Variants in MCC observed in about 807,000 individuals in gnomAD.
MCC encodes MCC regulator of Wnt signaling pathway.
MCC carries 90 observed loss-of-function variants against 116.2 expected under a neutral mutation model. The ratio of observed to expected loss-of-function variants is 0.77; its 90% CI spans 0.65 to 0.92. The LOEUF (loss-of-function observed/expected upper bound fraction) is 0.92. Ranked by LOEUF, MCC falls within the 40% of genes least tolerant of loss-of-function variation. The pLI is 0.00. For missense variants in MCC, 1,516 were observed against 1,312.2 expected, an observed-to-expected ratio of 1.16 and a Z score of -2.40; for synonymous variants, 578 against 510.5, an observed-to-expected ratio of 1.13 and a Z score of -1.78.
At chr5:113,449,408 T>C (rs1379297860) in intron 1 of MCC, among the ~76,000 whole-genome samples, 4 of 152,188 alleles carry the variant, frequency 2.6e-5, no homozygotes, top group Admixed American at 6.5e-5. Flanking sequence ...AATATGGTGA[T>C]GCAAGGAATT....
chr5:113,426,426 G>C (rs1042569797), intron 1 of MCC, among the ~76,000 whole-genome samples: 1 of 152,196 alleles, frequency 6.6e-6, no homozygotes, highest in African/African-American at 2.4e-5. Context: ...GGACTAGTTA[G>C]TTATGCTGTA....
chr5:113,140,650 T>C (rs1759122194), intron 5 of MCC, among the ~76,000 whole-genome samples: 1 of 152,178 alleles, frequency 6.6e-6, no homozygotes, highest in South Asian at 2.1e-4. Context: ...CAATTCAGGA[T>C]AGCTTAAGTG....
At chr5:113,232,078 G>T (rs182004237) in intron 3 of MCC, among the ~76,000 whole-genome samples, 1 of 152,218 alleles carries the variant, frequency 6.6e-6, no homozygotes, top group Admixed American at 6.5e-5. Flanking sequence ...AAGATACTAT[G>T]TTATTTGTTA....
At chr5:113,383,958 GAAAC>G (rs1473200726) in intron 2 of MCC, among the ~76,000 whole-genome samples, 1 of 152,080 alleles carries the variant, frequency 6.6e-6, no homozygotes, top group Non-Finnish European at 1.5e-5. Context: ...ACCTAGCAGA[GAAAC>G]AATGAGATCA....
intron 18 of MCC, among the ~76,000 whole-genome samples, chr5:113,028,418 T>A (rs1404562847): frequency 6.6e-6 from 1 of 152,062 alleles, no homozygotes; most frequent in African/African-American, 2.4e-5. Context: ...AAACTTTAAA[T>A]AATTTATCTT....
chr5:113,030,010 A>T (rs1470398887), intron 17 of MCC, among the ~76,000 whole-genome samples: 1 of 152,236 alleles, frequency 6.6e-6, no homozygotes, highest in African/African-American at 2.4e-5. Context: ...CTGTTAAAAC[A>T]GCTTTAGAAC....
intron 3 of MCC, among the ~76,000 whole-genome samples, chr5:113,262,029 C>T (rs796236458): frequency 1.2e-4 from 18 of 152,202 alleles, no homozygotes; most frequent in African/African-American, 4.3e-4. Context: ...TGATTAACCA[C>T]TCACCAATTC....
chr5:113,112,951 C>T (rs983860600), intron 6 of MCC, among the ~76,000 whole-genome samples: 3 of 152,154 alleles, frequency 2.0e-5, no homozygotes, highest in African/African-American at 7.2e-5. Context: ...TTAAGATTCC[C>T]AAGGTAGAAA....
intron 3 of MCC, among the ~76,000 whole-genome samples, chr5:113,215,570 G>A (rs111988628): frequency 2.6e-5 from 4 of 152,158 alleles, no homozygotes; most frequent in African/African-American, 7.2e-5. Flanking sequence ...ATGGGCTGGC[G>A]GGGGAGGGCG....
At chr5:113,037,275 G>A (rs886731664) in intron 17 of MCC, among the ~76,000 whole-genome samples, 3 of 151,074 alleles carry the variant, frequency 2.0e-5, no homozygotes, top group Non-Finnish European at 4.4e-5. Flanking sequence ...TACAAGTCTG[G>A]AAGTTTTCTA....
chr5:113,028,498 C>T (rs1393353833), intron 18 of MCC, among the ~76,000 whole-genome samples: 1 of 152,148 alleles, frequency 6.6e-6, no homozygotes, highest in Non-Finnish European at 1.5e-5. Flanking sequence ...TGAGGTCCTC[C>T]GTTTTTTATA....
At chr5:113,326,851 A>C (rs1057282932) in intron 3 of MCC, among the ~76,000 whole-genome samples, 2 of 152,230 alleles carry the variant, frequency 1.3e-5, no homozygotes, top group Admixed American at 1.3e-4. Context: ...CCCTTATTTC[A>C]GATTCTGTCA....
intron 1 of MCC, among the ~76,000 whole-genome samples, chr5:113,445,276 C>T (rs1771177430): frequency 6.6e-6 from 1 of 152,044 alleles, no homozygotes; most frequent in Non-Finnish European, 1.5e-5. Context: ...TAAAAGGAAT[C>T]CAGATAGGAA....
chr5:113,400,212 T>A (rs1332539542), intron 1 of MCC, among the ~76,000 whole-genome samples: 4 of 131,886 alleles, frequency 3.0e-5, no homozygotes, highest in Non-Finnish European at 4.6e-5. Flanking sequence ...AACCTTCCCC[T>A]CCCGGGTTCA....
At chr5:113,289,597 A>G (rs548488189) in intron 3 of MCC, among the ~76,000 whole-genome samples, 9 of 152,232 alleles carry the variant, frequency 5.9e-5, no homozygotes, top group African/African-American at 9.6e-5. Context: ...TCTTTCTCGG[A>G]ACCCAGCTGC....
Position 113,334,364 on chromosome 5 carries a change from C to T in MCC, c.627+6155G>A, listed in dbSNP as rs368726676. Reference sequence around the variant, plus strand: ...CTGGGACCACAGATATGTGCCACCACGCCCAGCTAATATTTGTATTTTTTG... The same window carrying T: ...CTGGGACCACAGATATGTGCCACCATGCCCAGCTAATATTTGTATTTTTTG... On this transcript the variant is annotated intron_variant, in intron 3 of 18. Coordinates refer to ENST00000408903, the MANE Select transcript of MCC (RefSeq NM_001085377.2). 4.6e-5 allele frequency among the ~76,000 whole-genome samples: 7 copies of T among 150,918 alleles called. No homozygotes were observed. The East Asian group carries it at 5.8e-4, about 13-fold the overall frequency.
At chr5:113,157,721 C>A (rs190434025) in intron 3 of MCC, among the ~76,000 whole-genome samples, 6 of 152,318 alleles carry the variant, frequency 3.9e-5, no homozygotes, top group Admixed American at 2.6e-4. Context: ...GTGGTCTCCC[C>A]CTTAATGGAG....
chr5:113,365,292 A>C (rs1561539327), intron 2 of MCC, among the ~76,000 whole-genome samples: 1 of 152,118 alleles, frequency 6.6e-6, no homozygotes. Context: ...CATCACTCTC[A>C]AGTTCAAAGT....
chr5:113,420,250 A>G (rs1770291120), intron 1 of MCC, among the ~76,000 whole-genome samples: 1 of 151,682 alleles, frequency 6.6e-6, no homozygotes, highest in African/African-American at 2.4e-5. Context: ...ATTTTATGCT[A>G]TCCATAGAAG....
Sources: gnomAD v4.1 joint callset for allele counts (sites outside exome capture counted in the v4.1 genomes callset) on GRCh38, gnomAD v4.1.1 for gene constraint, MANE v1.5 for transcripts, NCBI Gene and HGNC (gene_info 2026-07-23, HGNC 2026-07-21) for gene names.